Variants in GRIA4 observed in about 807,000 individuals in gnomAD.
GRIA4 encodes the protein glutamate ionotropic receptor AMPA type subunit 4.
Under a neutral mutation model 104.0 loss-of-function variants are expected in GRIA4, and 34 were observed. That is an observed-to-expected ratio of 0.33 (90% CI 0.25 to 0.44). The LOEUF is 0.44. Ranked by LOEUF, GRIA4 falls within the 20% of genes least tolerant of loss-of-function variation. The probability of loss-of-function intolerance (pLI) is 1.00; values close to 1 mark genes in which losing one functional copy is unlikely to be tolerated. For synonymous variants in GRIA4, 386 were observed against 381.9 expected (o/e 1.01, Z -0.13); for missense variants, 750 against 1,096.5 (o/e 0.68, Z 4.46).
At chr11:105,671,714 A>G in intron 3 of GRIA4, among the ~76,000 whole-genome samples, 1 of 143,208 alleles carries the variant, frequency 7.0e-6, no homozygotes. Context: ...ATAACTTTGG[A>G]ATTAATTTTA....
rs1271642197 is a variant in GRIA4, at chr11:105,684,656, T to TTAAA, written c.248-68323_248-68320dup. ...TTTTATATATTAAATATATATGTATTTAAATCAGTCTTCCTCAATCTTATC... is the reference window on the plus strand; with the variant it reads ...TTTTATATATTAAATATATATGTATTTAAATAAATCAGTCTTCCTCAATCTTATC... On this transcript the variant is annotated intron_variant, in intron 3 of 16. Transcript: ENST00000282499. 8.1e-5 allele frequency among the ~76,000 whole-genome samples: 12 copies of TTAAA among 148,650 alleles called. No individual in the cohort carries two copies. In the South Asian group the frequency reaches 2.5e-3, roughly 31 times the overall value.
intron 3 of GRIA4, among the ~76,000 whole-genome samples, chr11:105,734,767 C>T (rs185202817): frequency 1.3e-5 from 2 of 152,254 alleles, no homozygotes; most frequent in Admixed American, 1.3e-4. Context: ...TGGCATACTC[C>T]TAGTTATCAG....
intron 3 of GRIA4, among the ~76,000 whole-genome samples, chr11:105,647,549 C>T (rs562315907): frequency 2.6e-5 from 4 of 152,230 alleles, no homozygotes; most frequent in African/African-American, 9.6e-5. Context: ...ACCTAAATGC[C>T]CATCAGTGAC....
intron 3 of GRIA4, among the ~76,000 whole-genome samples, chr11:105,725,747 A>G (rs938080014): frequency 2.0e-5 from 3 of 152,046 alleles, no homozygotes; most frequent in Non-Finnish European, 2.9e-5. Context: ...ATGGAGAGCA[A>G]GCTGAAGCAG....
At chr11:105,876,323 T>C (rs755990916) in intron 5 of GRIA4, among the ~76,000 whole-genome samples, 17 of 152,158 alleles carry the variant, frequency 1.1e-4, no homozygotes, top group Non-Finnish European at 1.9e-4. Context: ...TAGGGAGTAC[T>C]TTACTTACAG....
intron 1 of GRIA4, 110 bp from the exon 2 acceptor site, chr11:105,610,798 G>C: frequency 1.8e-6 from 1 of 541,602 alleles, no homozygotes; most frequent in Admixed American, 3.1e-5. Context: ...GCGATGGATT[G>C]CTAAGGAGAA....
chr11:105,811,272 C>T (rs148061660), intron 4 of GRIA4, among the ~76,000 whole-genome samples: 12 of 152,186 alleles, frequency 7.9e-5, no homozygotes, highest in Non-Finnish European at 1.6e-4. Context: ...ATGTCCTTCA[C>T]CAGTCTTAGA....
At chr11:105,912,011 T>G in intron 10 of GRIA4, 1 of 1,278,110 alleles carries the variant, frequency 7.8e-7, no homozygotes, top group Non-Finnish European at 1.0e-6. Flanking sequence ...TGTGGGATTC[T>G]TCTTGGATGA....
At chr11:105,742,659 T>C (rs1939388284) in intron 3 of GRIA4, among the ~76,000 whole-genome samples, 1 of 152,094 alleles carries the variant, frequency 6.6e-6, no homozygotes, top group Admixed American at 6.6e-5. Context: ...TTTAAAGTCA[T>C]ATTCCTTTGC....
intron 4 of GRIA4, chr11:105,797,842 G>T (rs1376945404): frequency 2.2e-6 from 1 of 455,286 alleles, no homozygotes; most frequent in Non-Finnish European, 4.4e-6. Context: ...TTGCCTTTTA[G>T]GGCCTAGCAC....
intron 13 of GRIA4, among the ~76,000 whole-genome samples, chr11:105,933,083 T>G (rs35585850): frequency 6.6e-5 from 10 of 151,634 alleles, no homozygotes; most frequent in African/African-American, 2.2e-4. Context: ...TAAAAAAATT[T>G]TTTTTTTAAT....
At chr11:105,668,569 G>A (rs1022862074) in intron 3 of GRIA4, among the ~76,000 whole-genome samples, 1 of 151,004 alleles carries the variant, frequency 6.6e-6, no homozygotes, top group Non-Finnish European at 1.5e-5. Context: ...TTGAGGAATT[G>A]CTGTGCCATT....
chr11:105,620,329 A>ATTG (rs375831747), intron 3 of GRIA4, among the ~76,000 whole-genome samples: 9 of 222 alleles, frequency 0.041, no homozygotes, highest in African/African-American at 0.085. Context: ...AGAAGTAGGC[A>ATTG]TTATTATTAT....
chr11:105,649,392 G>A (rs1158353133), intron 3 of GRIA4, among the ~76,000 whole-genome samples: 2 of 152,080 alleles, frequency 1.3e-5, no homozygotes, highest in Non-Finnish European at 2.9e-5. Context: ...AAAACAATGT[G>A]TGCCATTAAG....
At chr11:105,721,601 A>G (rs1323381780) in intron 3 of GRIA4, among the ~76,000 whole-genome samples, 2 of 152,226 alleles carry the variant, frequency 1.3e-5, no homozygotes, top group Admixed American at 6.5e-5. Flanking sequence ...CCAAAGAGAG[A>G]TTCCTGCCAA....
chr11:105,905,442 T>A, intron 9 of GRIA4, 141 bp downstream of exon 9: 5 of 586,466 alleles, frequency 8.5e-6, no homozygotes, highest in Non-Finnish European at 1.5e-5. Flanking sequence ...TTCTTTATAA[T>A]CAATGCTGTG....
intron 3 of GRIA4, chr11:105,706,598 A>AT (rs1222013218): frequency 6.5e-6 from 1 of 153,754 alleles, no homozygotes; most frequent in East Asian, 1.9e-4. Flanking sequence ...CCAATAATAT[A>AT]AAGGAAGAGG....
At chr11:105,917,483 CCTT>C (rs2136181537) in intron 10 of GRIA4, among the ~76,000 whole-genome samples, 1 of 152,204 alleles carries the variant, frequency 6.6e-6, no homozygotes, top group African/African-American at 2.4e-5. Flanking sequence ...AAGTAAATTA[CCTT>C]CTATTATACA....
chr11:105,660,473 G>A (rs1002569174), intron 3 of GRIA4, among the ~76,000 whole-genome samples: 1 of 151,502 alleles, frequency 6.6e-6, no homozygotes. Flanking sequence ...TTTGAGAGTA[G>A]AATGAATATA....
Sources: gnomAD v4.1 joint callset for allele counts (sites outside exome capture counted in the v4.1 genomes callset) on GRCh38, gnomAD v4.1.1 for gene constraint, MANE v1.5 for transcripts, NCBI Gene and HGNC (gene_info 2026-07-23, HGNC 2026-07-21) for gene names.